ARHGAP6: variants seen among roughly 807,000 people sequenced by gnomAD.
ARHGAP6 encodes the protein rho GTPase-activating protein 6.
A neutral mutation model predicts 55.7 loss-of-function variants in ARHGAP6; 16 were observed. That is an observed-to-expected ratio of 0.29 (90% CI 0.19 to 0.44). The LOEUF is 0.44. Among genes scored for constraint, ARHGAP6 ranks in the 20% least tolerant of loss-of-function variants. The probability of loss-of-function intolerance (pLI) is 1.00; values close to 1 mark genes in which losing one functional copy is unlikely to be tolerated. For missense variants in ARHGAP6, 698 were observed against 808.9 expected (o/e 0.86, Z 1.66); for synonymous variants, 382 against 360.9 (o/e 1.06, Z -0.66).
chrX:11,300,753 T>C, intron 1 of ARHGAP6: 1 of 568,411 alleles, frequency 1.8e-6, no homozygotes, highest in Non-Finnish European at 2.9e-6. Flanking sequence ...TAAAATGCAT[T>C]AAAAATCATT....
chrX:11,176,260 TATATTTGC>T (rs1161849279), intron 8 of ARHGAP6, among the ~76,000 whole-genome samples: 4 of 76,261 alleles, frequency 5.2e-5, no homozygotes, highest in Non-Finnish European at 7.5e-5. Context: ...TATATATATA[TATATTTGC>T]ATATATTTAT....
intron 1 of ARHGAP6, among the ~76,000 whole-genome samples, chrX:11,287,343 G>A (rs1157433101): frequency 2.7e-5 from 3 of 112,036 alleles, no homozygotes; most frequent in Non-Finnish European, 5.6e-5. Flanking sequence ...ATTCATCTGT[G>A]AGCAAGTGGG....
At chrX:11,234,944 C>T (rs1369110937) in intron 2 of ARHGAP6, among the ~76,000 whole-genome samples, 1 of 112,561 alleles carries the variant, frequency 8.9e-6, no homozygotes, top group Non-Finnish European at 1.9e-5. Context: ...AGAAGCCAAT[C>T]TGAAGAGGCT....
At chrX:11,469,572 C>T (rs1300487175) in intron 1 of ARHGAP6, among the ~76,000 whole-genome samples, 1 of 111,275 alleles carries the variant, frequency 9.0e-6, no homozygotes, top group Non-Finnish European at 1.9e-5. Context: ...TAAAATACAG[C>T]CCAAAACTAT....
At chrX:11,154,479 T>TA (rs772430694) in intron 10 of ARHGAP6, among the ~76,000 whole-genome samples, 77 of 112,497 alleles carry the variant, frequency 6.8e-4, no homozygotes, top group African/African-American at 2.5e-3. Flanking sequence ...GAAAACCATG[T>TA]AAAAAAACTT....
intron 1 of ARHGAP6, among the ~76,000 whole-genome samples, chrX:11,580,036 C>T (rs2051646969): frequency 9.0e-6 from 1 of 111,143 alleles, no homozygotes; most frequent in East Asian, 2.8e-4. Context: ...CCAGCCACTG[C>T]AACTAGTGTT....
intron 9 of ARHGAP6, among the ~76,000 whole-genome samples, chrX:11,165,427 C>G (rs1234972474): frequency 9.0e-6 from 1 of 111,672 alleles, no homozygotes; most frequent in Non-Finnish European, 1.9e-5. Flanking sequence ...GCATTATACA[C>G]AGTGGGCAGA....
At chrX:11,557,163 T>C (rs1422371300) in intron 1 of ARHGAP6, among the ~76,000 whole-genome samples, 2 of 112,338 alleles carry the variant, frequency 1.8e-5, no homozygotes, top group Admixed American at 9.5e-5. Context: ...AAGAAGGTAA[T>C]ACCTGGTATT....
chrX:11,572,107 T>C (rs1435941345), intron 1 of ARHGAP6, among the ~76,000 whole-genome samples: 5 of 111,620 alleles, frequency 4.5e-5, no homozygotes. Flanking sequence ...ATTAAACTGA[T>C]TGACCTATTA....
chrX:11,516,780 A>G (rs1389342382), intron 1 of ARHGAP6, among the ~76,000 whole-genome samples: 1 of 111,843 alleles, frequency 8.9e-6, no homozygotes, highest in African/African-American at 3.2e-5. Context: ...AATGGTAAAG[A>G]TATGATTATG....
In ARHGAP6 at chrX:11,549,644, C is replaced by A. The variant is rs367570958; in HGVS notation, c.588+114597G>T. 2.7e-5 allele frequency among the ~76,000 whole-genome samples: 3 copies of A among 111,895 alleles called. No homozygotes were observed. In the East Asian group the frequency reaches 8.4e-4, roughly 31 times the overall value. ...ATGAGATCCAAGCTTCTGCATTTCT[C>A]AGAAGCTTTCAAGGATGCTGATGCT... On this transcript the variant is annotated intron_variant, in intron 1 of 12. Coordinates refer to ENST00000337414, the MANE Select transcript of ARHGAP6 (RefSeq NM_013427.3).
chrX:11,580,716 A>C (rs1314620279), intron 1 of ARHGAP6, among the ~76,000 whole-genome samples: 2 of 112,371 alleles, frequency 1.8e-5, no homozygotes, highest in Non-Finnish European at 3.8e-5. Flanking sequence ...CACTAATATA[A>C]TGTTAGCTCT....
chrX:11,338,200 T>C (rs1443200447), intron 1 of ARHGAP6, among the ~76,000 whole-genome samples: 4 of 111,480 alleles, frequency 3.6e-5, no homozygotes, highest in Non-Finnish European at 7.5e-5. Context: ...AAACAAACCA[T>C]GTCCAAACCA....
chrX:11,225,963 A>C (rs946608700), intron 2 of ARHGAP6, among the ~76,000 whole-genome samples: 2 of 110,085 alleles, frequency 1.8e-5, no homozygotes, highest in East Asian at 2.8e-4. Context: ...CCAAACAACA[A>C]ATTCATTTTT....
intron 1 of ARHGAP6, among the ~76,000 whole-genome samples, chrX:11,508,121 A>T (rs767052893): frequency 8.9e-6 from 1 of 111,749 alleles, no homozygotes; most frequent in Non-Finnish European, 1.9e-5. Context: ...GATTTAGTAA[A>T]TAAGGTACAG....
At chrX:11,382,579 A>C (rs1398428486) in intron 1 of ARHGAP6, among the ~76,000 whole-genome samples, 1 of 111,696 alleles carries the variant, frequency 9.0e-6, no homozygotes, top group African/African-American at 3.3e-5. Flanking sequence ...AATTTTGTCT[A>C]TCGTTGCAAC....
intron 1 of ARHGAP6, among the ~76,000 whole-genome samples, chrX:11,363,827 C>T (rs1337607824): frequency 8.9e-6 from 1 of 112,201 alleles, no homozygotes; most frequent in Non-Finnish European, 1.9e-5. Flanking sequence ...AACTACCATT[C>T]AGCCCAACAA....
chrX:11,214,926 C>G (rs777753945), intron 2 of ARHGAP6, among the ~76,000 whole-genome samples: 3 of 113,317 alleles, frequency 2.6e-5, no homozygotes, highest in Non-Finnish European at 5.6e-5. Flanking sequence ...TGGGGATGAC[C>G]GTGTGAAGCA....
chrX:11,419,041 A>G (rs1249555203), intron 1 of ARHGAP6, among the ~76,000 whole-genome samples: 1 of 112,441 alleles, frequency 8.9e-6, no homozygotes, highest in Non-Finnish European at 1.9e-5. Context: ...GAGATGGAGA[A>G]CAGGGAGACC....
Sources: allele counts gnomAD v4.1 joint callset (sites outside exome capture counted in the v4.1 genomes callset), GRCh38; gene constraint gnomAD v4.1.1; transcripts MANE v1.5; gene names NCBI Gene and HGNC (gene_info 2026-07-23, HGNC 2026-07-21).